The following VRK2 variants were observed in gnomAD, a reference collection of about 807,000 sequenced individuals.
VRK2 encodes the protein serine/threonine-protein kinase VRK2.
A neutral mutation model predicts 57.6 loss-of-function variants in VRK2; 60 were observed. The observed-to-expected ratio is 1.04, with a 90% CI of 0.85 to 1.29. The LOEUF is 1.29. Among genes scored for constraint, VRK2 ranks in the 50% most tolerant of loss-of-function variants. VRK2 has a pLI of 0.00. For missense variants in VRK2, 705 were observed against 588.1 expected, an observed-to-expected ratio of 1.20 and a Z score of -2.06; for synonymous variants, 231 against 199.2, an observed-to-expected ratio of 1.16 and a Z score of -1.35.
chr2:58,045,586 G>T (rs1374288887), upstream of VRK2, among the ~76,000 whole-genome samples: 1 of 152,172 alleles, frequency 6.6e-6, no homozygotes, highest in Non-Finnish European at 1.5e-5. Flanking sequence ...TTATTCTATG[G>T]ACTGTTTCTT....
intron 1 of VRK2, among the ~76,000 whole-genome samples, chr2:58,007,864 A>G (rs1673298863): frequency 6.6e-6 from 1 of 152,250 alleles, no homozygotes; most frequent in African/African-American, 2.4e-5. Context: ...TAAATACAAC[A>G]TTTCTAAATG....
intron 11 of VRK2, among the ~76,000 whole-genome samples, chr2:58,144,145 C>T (rs1437312146): frequency 2.6e-5 from 4 of 151,388 alleles, no homozygotes; most frequent in East Asian, 1.9e-4. Flanking sequence ...AAGCCAGACA[C>T]GGGACAAATA....
chr2:58,026,449 C>T (rs1008974910), intron 2 of VRK2, among the ~76,000 whole-genome samples: 1 of 152,110 alleles, frequency 6.6e-6, no homozygotes, highest in African/African-American at 2.4e-5. Context: ...ACTACATATA[C>T]ACAATTACTC....
At chr2:57,941,984 A>C (rs761984513) in intron 1 of VRK2, among the ~76,000 whole-genome samples, 1 of 152,204 alleles carries the variant, frequency 6.6e-6, no homozygotes, top group Non-Finnish European at 1.5e-5. Flanking sequence ...CTTTGTGGGG[A>C]TGGCATGTCT....
intron 8 of VRK2, among the ~76,000 whole-genome samples, chr2:58,126,174 ACTT>A (rs1678317532): frequency 6.6e-6 from 1 of 152,052 alleles, no homozygotes; most frequent in Non-Finnish European, 1.5e-5. Context: ...AGGATATAGA[ACTT>A]CTAGGTGCCA....
chr2:58,054,403 A>T lies in VRK2; in HGVS notation c.136+5436A>T, dbSNP rs573537288. On this transcript the variant is annotated intron_variant, in intron 2 of 12. Transcript: ENST00000340157. ...ACAGTGGTCAAGGTTTTTTTTTTTT[A>T]ATTTGAAACATATTGCTGTGGGGAA... Among the ~76,000 whole-genome samples the T allele has an allele frequency of 4.3e-3, 630 of 145,920 alleles. 6 individuals carry two copies. The highest frequency in any genetic ancestry group is 0.015 in the African/African-American group (598 of 39,912).
At chr2:57,946,462 T>A (rs1671265024) in intron 1 of VRK2, among the ~76,000 whole-genome samples, 1 of 152,122 alleles carries the variant, frequency 6.6e-6, no homozygotes, top group African/African-American at 2.4e-5. Context: ...AGTAAAATTT[T>A]AGTAACTTTA....
chr2:57,958,849 G>A (rs1172459331), intron 1 of VRK2, among the ~76,000 whole-genome samples: 1 of 152,080 alleles, frequency 6.6e-6, no homozygotes, highest in African/African-American at 2.4e-5. Flanking sequence ...TATTACTGGG[G>A]AAACAGTCTT....
At chr2:58,048,563 C>G in intron 1 of VRK2, 1 of 1,399,240 alleles carries the variant, frequency 7.1e-7, no homozygotes, top group Non-Finnish European at 9.5e-7. Flanking sequence ...TATAGAACCC[C>G]GAAATGAATT....
At chr2:57,968,198 A>G (rs1671980237) in intron 1 of VRK2, among the ~76,000 whole-genome samples, 1 of 152,066 alleles carries the variant, frequency 6.6e-6, no homozygotes, top group Non-Finnish European at 1.5e-5. Flanking sequence ...AACATAAAAA[A>G]ATTACCTTTA....
intron 1 of VRK2, among the ~76,000 whole-genome samples, chr2:57,933,962 G>C (rs1670823153): frequency 6.6e-6 from 1 of 152,032 alleles, no homozygotes; most frequent in Non-Finnish European, 1.5e-5. Flanking sequence ...ATTTTATAGA[G>C]TCTAACAGTC....
intron 1 of VRK2, among the ~76,000 whole-genome samples, chr2:57,957,132 C>T (rs1040296659): frequency 1.3e-5 from 2 of 152,128 alleles, no homozygotes. Context: ...GTTCCAGGCT[C>T]ACTTTTGATG....
chr2:58,039,996 C>T (rs1304106559), intron 3 of VRK2, among the ~76,000 whole-genome samples: 1 of 151,814 alleles, frequency 6.6e-6, no homozygotes, highest in African/African-American at 2.4e-5. Context: ...TCACTGCAGC[C>T]TCAATCTCCC....
In VRK2 at chr2:58,091,689, G is replaced by T. The variant is rs111668013; in HGVS notation, c.543+1966G>T. ...AACAAATATTTGAGAATATCTAGCC[G>T]GTACTAAAAAAAAAATTAAGAAAAA... On this transcript the variant is annotated intron_variant, in intron 7 of 12. Transcript: ENST00000340157. 1.9e-3 allele frequency among the ~76,000 whole-genome samples: 290 copies of T among 151,342 alleles called. 1 individual carries two copies. The highest frequency in any genetic ancestry group is 6.6e-3 in the African/African-American group (272 of 41,280).
chr2:57,926,685 C>T (rs1572869005), intron 1 of VRK2, among the ~76,000 whole-genome samples: 1 of 151,672 alleles, frequency 6.6e-6, no homozygotes, highest in East Asian at 1.9e-4. Context: ...GTTTTGGTTT[C>T]CACTGCATGG....
chr2:57,942,889 T>A (rs1671144954), intron 1 of VRK2, among the ~76,000 whole-genome samples: 1 of 152,210 alleles, frequency 6.6e-6, no homozygotes, highest in Non-Finnish European at 1.5e-5. Flanking sequence ...ATCCATTACT[T>A]CAGGGTTCAT....
chr2:57,969,492 A>T (rs932188), intron 1 of VRK2, among the ~76,000 whole-genome samples: 136,611 of 151,990 alleles, frequency 0.9, 61,627 homozygotes, highest in African/African-American at 0.96. Context: ...AAAATTAGGA[A>T]TATTTATATA....
At position 58,058,007 on chromosome 2, in the gene VRK2, A is replaced by G. The variant is rs187262069; in HGVS notation, c.136+9040A>G. 4.1e-3 allele frequency among the ~76,000 whole-genome samples: 628 copies of G among 152,210 alleles called. 1 individual carries two copies. Among genetic ancestry groups the G allele is most frequent in the Non-Finnish European group, 6.5e-3 (445 of 67,998 alleles). ...TTGAAAATGTGTCAGCATTCAGGAG[A>G]CTGTCTTTAATTTGCAATCCAAGTG... On this transcript the variant is annotated intron_variant, in intron 2 of 12. Coordinates refer to ENST00000340157, the MANE Select transcript of VRK2 (RefSeq NM_006296.7).
chr2:58,028,203 T>G (rs1673993513), intron 2 of VRK2: 2 of 152,174 alleles, frequency 1.3e-5, no homozygotes, highest in Non-Finnish European at 2.9e-5. Flanking sequence ...GATTTAATGG[T>G]TTGTACTCCA....
Sources: allele counts gnomAD v4.1 joint callset (sites outside exome capture counted in the v4.1 genomes callset), GRCh38; gene constraint gnomAD v4.1.1; transcripts MANE v1.5; gene names NCBI Gene and HGNC (gene_info 2026-07-23, HGNC 2026-07-21).